The following STK32B variants were observed in gnomAD, a reference collection of about 807,000 sequenced individuals.
The protein encoded by STK32B is serine/threonine-protein kinase 32B.
Under a neutral mutation model 52.6 loss-of-function variants are expected in STK32B, and 43 were observed. The observed-to-expected ratio is 0.82, with a 90% CI of 0.64 to 1.05. The LOEUF (loss-of-function observed/expected upper bound fraction) is 1.05. Ranked by LOEUF, STK32B falls within the 50% of genes least tolerant of loss-of-function variation. The pLI is 0.00. For missense variants in STK32B, 621 were observed against 534.6 expected, an observed-to-expected ratio of 1.16 and a Z score of -1.59; for synonymous variants, 238 against 204.3, an observed-to-expected ratio of 1.17 and a Z score of -1.41.
chr4:5,320,603 C>G (rs1278645201), intron 3 of STK32B, among the ~76,000 whole-genome samples: 2 of 152,058 alleles, frequency 1.3e-5, no homozygotes, highest in East Asian at 1.9e-4. Context: ...AATGTAAGAA[C>G]CAAGTGTAGT....
At chr4:5,071,511 T>G (rs1421193610) in intron 1 of STK32B, among the ~76,000 whole-genome samples, 3 of 152,194 alleles carry the variant, frequency 2.0e-5, no homozygotes, top group Non-Finnish European at 2.9e-5. Context: ...ATAAGATATT[T>G]ATAAATTCCA....
At chr4:5,279,623 C>T (rs983790903) in intron 3 of STK32B, among the ~76,000 whole-genome samples, 11 of 152,168 alleles carry the variant, frequency 7.2e-5, no homozygotes, top group Non-Finnish European at 1.0e-4. Flanking sequence ...CCAGTGGGGA[C>T]TCTGTATTGG....
intron 3 of STK32B, among the ~76,000 whole-genome samples, chr4:5,235,831 C>T (rs1724594277): frequency 2.0e-5 from 3 of 152,208 alleles, no homozygotes; most frequent in African/African-American, 7.2e-5. Flanking sequence ...AGTGGGGATG[C>T]AGAAGTGAGG....
intron 2 of STK32B, among the ~76,000 whole-genome samples, chr4:5,153,433 A>G (rs561332932): frequency 5.3e-5 from 8 of 151,516 alleles, no homozygotes; most frequent in Non-Finnish European, 7.4e-5. Flanking sequence ...AGCCCTCAGC[A>G]TGGTACCTGG....
rs533621498 is a variant in STK32B at position 5,497,087 on chromosome 4, C to T, written c.1107-1858C>T. Among the ~76,000 whole-genome samples the T allele has an allele frequency of 2.6e-5, 4 of 152,232 alleles. No homozygotes were observed. In the South Asian group the frequency reaches 6.2e-4, roughly 24 times the overall value. On this transcript the variant is annotated intron_variant, in intron 11 of 11. Coordinates refer to ENST00000282908, the MANE Select transcript of STK32B (RefSeq NM_018401.3). ...TAGCCTCAAGATATCAATGAGCTAT[C>T]ATATCTTATTTGAAATCCACGATTT...
intron 5 of STK32B, among the ~76,000 whole-genome samples, chr4:5,414,601 G>A (rs1186940311): frequency 6.6e-6 from 1 of 152,178 alleles, no homozygotes; most frequent in Non-Finnish European, 1.5e-5. Flanking sequence ...ATGATACATG[G>A]CTAAATTCAA....
intron 3 of STK32B, among the ~76,000 whole-genome samples, chr4:5,292,734 C>A (rs1728963440): frequency 6.6e-6 from 1 of 151,904 alleles, no homozygotes; most frequent in Non-Finnish European, 1.5e-5. Flanking sequence ...AGGCCAATGT[C>A]CAGCAGAGTA....
intron 4 of STK32B, among the ~76,000 whole-genome samples, chr4:5,360,655 A>C (rs1187627499): frequency 3.3e-5 from 5 of 152,294 alleles, no homozygotes; most frequent in Admixed American, 6.5e-5. Context: ...GGTTTTTAAA[A>C]GTTAGCTGGG....
intron 11 of STK32B, among the ~76,000 whole-genome samples, chr4:5,484,035 G>C (rs1718943400): frequency 1.3e-5 from 2 of 152,138 alleles, no homozygotes; most frequent in Non-Finnish European, 2.9e-5. Context: ...GAATAGGTGT[G>C]GTGTGATGTG....
At chr4:5,222,145 C>G (rs1346291251) in intron 3 of STK32B, among the ~76,000 whole-genome samples, 3 of 152,244 alleles carry the variant, frequency 2.0e-5, no homozygotes, top group East Asian at 3.9e-4. Context: ...TTCACAGCCT[C>G]CAGAACTGTG....
rs147202261 is a variant in STK32B at position 5,309,766 on chromosome 4, T to C, written c.261-21454T>C. On this transcript the variant is annotated intron_variant, in intron 3 of 11. Transcript: ENST00000282908. ...TAAGGATTTAAATGTAATACCTGAA[T>C]CTGTGAAACTTCTGGAAGAAAATAT... 4.0e-3 allele frequency among the ~76,000 whole-genome samples: 604 copies of C among 152,326 alleles called. 6 individuals are homozygous for C. Among genetic ancestry groups the C allele is most frequent in the African/African-American group, 0.014 (590 of 41,572 alleles).
At chr4:5,359,715 G>A (rs915878182) in intron 4 of STK32B, among the ~76,000 whole-genome samples, 7 of 152,162 alleles carry the variant, frequency 4.6e-5, no homozygotes, top group Non-Finnish European at 1.0e-4. Flanking sequence ...ACTGAGGGGT[G>A]AGGTGGCAAC....
chr4:5,406,424 C>T (rs1399210009), intron 5 of STK32B, among the ~76,000 whole-genome samples: 1 of 152,134 alleles, frequency 6.6e-6, no homozygotes, highest in Non-Finnish European at 1.5e-5. Flanking sequence ...AGGCAGTGCC[C>T]CAGTGGGGAC....
intron 11 of STK32B, among the ~76,000 whole-genome samples, chr4:5,485,753 A>C (rs1719124413): frequency 6.6e-6 from 1 of 152,174 alleles, no homozygotes; most frequent in Non-Finnish European, 1.5e-5. Context: ...GGTGATGTAC[A>C]GATGGGGTTT....
chr4:5,272,216 G>T (rs1190274621), intron 3 of STK32B, among the ~76,000 whole-genome samples: 1 of 144,344 alleles, frequency 6.9e-6, no homozygotes, highest in Non-Finnish European at 1.5e-5. Flanking sequence ...TAGCATGAAG[G>T]GTTGTTGAAT....
chr4:5,102,318 C>T (rs573451166), intron 1 of STK32B, among the ~76,000 whole-genome samples: 4 of 152,266 alleles, frequency 2.6e-5, no homozygotes, highest in South Asian at 2.1e-4. Context: ...CAAGCTCCTG[C>T]GTCTGCACCA....
intron 11 of STK32B, among the ~76,000 whole-genome samples, chr4:5,481,192 G>C (rs940339016): frequency 3.3e-5 from 5 of 152,272 alleles, no homozygotes; most frequent in East Asian, 1.9e-4. Context: ...AGTTTACAGT[G>C]CCACCAACAG....
chr4:5,278,171 G>A (rs187187831), intron 3 of STK32B, among the ~76,000 whole-genome samples: 1 of 152,342 alleles, frequency 6.6e-6, no homozygotes, highest in African/African-American at 2.4e-5. Context: ...TCTATGACAT[G>A]AAGAGCCTCT....
chr4:5,060,407 A>G (rs1406595466), intron 1 of STK32B, among the ~76,000 whole-genome samples: 1 of 151,764 alleles, frequency 6.6e-6, no homozygotes, highest in African/African-American at 2.4e-5. Flanking sequence ...TTTCTTTTTC[A>G]TCTTTTTTGA....
Sources: gnomAD v4.1 joint callset for allele counts (sites outside exome capture counted in the v4.1 genomes callset) on GRCh38, gnomAD v4.1.1 for gene constraint, MANE v1.5 for transcripts, NCBI Gene and HGNC (gene_info 2026-07-23, HGNC 2026-07-21) for gene names.